NUDT17: variants seen among roughly 807,000 people sequenced by gnomAD.
NUDT17 encodes nudix hydrolase 17, also known as m7GpppN-mRNA hydrolase NUDT17.
Under a neutral mutation model 38.6 loss-of-function variants are expected in NUDT17, and 38 were observed. The observed-to-expected ratio is 0.98, with a 90% CI of 0.76 to 1.29. The LOEUF (loss-of-function observed/expected upper bound fraction) is 1.29, where lower values mean the gene tolerates loss of function less well. NUDT17 is among the 50% of genes most tolerant of loss of function. The pLI is 0.00. For synonymous variants in NUDT17, 192 were observed against 167.8 expected, an observed-to-expected ratio of 1.14 and a Z score of -1.11; for missense variants, 462 against 415.2, an observed-to-expected ratio of 1.11 and a Z score of -0.98.
chr1:145,846,388 G>A, intron 2 of NUDT17, 45 bp from the exon 3 acceptor site: 2 of 1,612,758 alleles, frequency 1.2e-6, no homozygotes, highest in South Asian at 1.1e-5. Context: ...GGGCTCCCTG[G>A]CCAAGACCAC....
At chr1:145,846,482 T>C (rs1652683627) in intron 3 of NUDT17, 24 bp downstream of exon 3, 1 of 1,611,234 alleles carries the variant, frequency 6.2e-7, no homozygotes, top group African/African-American at 1.3e-5. Flanking sequence ...TGATCCAACC[T>C]GAGCCAAGAG....
chr1:145,848,643 C>T lies in NUDT17; in HGVS notation c.*164C>T. 1 of 608,048 alleles carries T rather than the reference C, an allele frequency of 1.6e-6. No homozygotes were observed. Among genetic ancestry groups the T allele is most frequent in the Admixed American group, 3.0e-5 (1 of 32,964 alleles). The allele number at this position is 608,048 out of a possible 1,614,324, so 37.7% of individuals were successfully genotyped here. On this transcript the variant is annotated 3_prime_UTR_variant, in exon 8 of 8. Coordinates refer to ENST00000334513, the MANE Select transcript of NUDT17 (RefSeq NM_001012758.3). ...AAAAAGAAGATTGGGAAGGAGGGCACAGGGTCCTTCCACCTCCCTGGAAAG... is the reference window on the plus strand; with the variant it reads ...AAAAAGAAGATTGGGAAGGAGGGCATAGGGTCCTTCCACCTCCCTGGAAAG...
At chr1:145,846,814 G>A (rs950885189) in intron 4 of NUDT17, 124 bp downstream of exon 4, 7 of 749,788 alleles carry the variant, frequency 9.3e-6, no homozygotes, top group Non-Finnish European at 1.5e-5. Flanking sequence ...CCATGTCCCT[G>A]CTGTGTCATC....
chr1:145,847,870 C>G (rs1652784138), intron 6 of NUDT17, 151 bp downstream of exon 6: 10 of 872,748 alleles, frequency 1.1e-5, no homozygotes, highest in Non-Finnish European at 1.8e-5. Flanking sequence ...TACATGAAAT[C>G]TAAGACACTG....
chr1:145,846,152 G>A lies in NUDT17; in HGVS notation c.332G>A (p.Arg111Lys). 1.3e-6 allele frequency: 2 copies of A among 1,597,468 alleles called. No homozygotes were observed. The highest frequency in any genetic ancestry group is 8.5e-7 in the Non-Finnish European group (1 of 1,172,344). Residue 111 changes from arginine to lysine, a missense_variant, in exon 2 of 8, where the codon AGG becomes AAG. Arg to Lys is a conservative substitution (Grantham distance 26). Coordinates refer to ENST00000334513, the MANE Select transcript of NUDT17 (RefSeq NM_001012758.3). ...SSDKTVLLTR[R>K]ARTLSVSPNL... ...GACAAGACTGTCTTGCTAACCCGAA[G>A]GGCACGCACCCTGAGCGTTTCCCCC... is the stretch of plus-strand genomic sequence containing the variant.
chr1:145,848,074 T>C, intron 6 of NUDT17, 38 bp from the exon 7 acceptor site: 2 of 1,611,638 alleles, frequency 1.2e-6, no homozygotes, highest in Non-Finnish European at 1.7e-6. Flanking sequence ...CTTTGTAAGC[T>C]ACAAGGCACA....
intron 4 of NUDT17, 23 bp from the exon 5 acceptor site, chr1:145,847,227 C>G: frequency 7.4e-7 from 1 of 1,343,794 alleles, no homozygotes; most frequent in Non-Finnish European, 1.0e-6. Flanking sequence ...AAAGTTCTCA[C>G]TTTTGCTGTT....
chr1:145,846,661 T>C lies in NUDT17; in HGVS notation c.466T>C (p.Phe156Leu), dbSNP rs1188592416. The C allele has an allele frequency of 5.6e-6, 9 of 1,613,800 alleles. No individual in the cohort carries two copies. The highest frequency in any genetic ancestry group is 4.0e-5 in the African/African-American group (3 of 74,938). The change falls in exon 4 of 8, where the codon TTC (phenylalanine) becomes CTC (leucine). Residue 156 changes from phenylalanine (F) to leucine (L), a missense_variant. Physicochemically the swap from Phe to Leu is conservative, Grantham distance 22. Coordinates refer to ENST00000334513, the MANE Select transcript of NUDT17 (RefSeq NM_001012758.3). ...TGGACTACACCTGCCCCAGGGCCAGTTCTCTTGGGTCCCTCTGGGTTTATG... is the reference window on the plus strand; with the variant it reads ...TGGACTACACCTGCCCCAGGGCCAGCTCTCTTGGGTCCCTCTGGGTTTATG... ...ESGLHLPQGQ[F>L]SWVPLGLWES...
Position 145,847,340 on chromosome 1 carries a change from C to A in NUDT17, c.586C>A (p.Gln196Lys). ...LLVISQESQQ[Q>K]LQARIQPNPN... ...CGTGATCTCCCAGGAATCACAGCAGCAGTTGCAGGTAGGGCTGGCAGTGAG... is the reference window on the plus strand; with the variant it reads ...CGTGATCTCCCAGGAATCACAGCAGAAGTTGCAGGTAGGGCTGGCAGTGAG... The change falls in exon 5 of 8, where the codon CAG (glutamine) becomes AAG (lysine). Residue 196 changes from glutamine to lysine, a missense_variant. Physicochemically the swap from Gln to Lys is moderately conservative, Grantham distance 53 (BLOSUM62 1). Coordinates refer to ENST00000334513, the MANE Select transcript of NUDT17 (RefSeq NM_001012758.3). The A allele has an allele frequency of 6.2e-7, 1 of 1,607,392 alleles. No individual in the cohort carries two copies. The highest frequency in any genetic ancestry group is 8.5e-7 in the Non-Finnish European group (1 of 1,176,166).
intron 1 of NUDT17, 54 bp from the exon 2 acceptor site, chr1:145,845,959 C>A (rs1652635990): frequency 1.9e-6 from 3 of 1,548,932 alleles, no homozygotes; most frequent in Non-Finnish European, 2.6e-6. Context: ...GGAAGTCACG[C>A]CCACCCAGTG....
Position 145,848,509 on chromosome 1 carries a change from C to G in NUDT17, c.*30C>G. 1 of 1,430,694 alleles carries G rather than the reference C, an allele frequency of 7.0e-7. No individual in the cohort carries two copies. Among genetic ancestry groups the G allele is most frequent in the South Asian group, 1.2e-5 (1 of 85,482 alleles). The allele number at this position is 1,430,694 out of a possible 1,614,324, so 88.6% of individuals were successfully genotyped here. ...TAAAATCCCCTCCCTAGCCCATCTC[C>G]ATGACACTCACAGAACATTCACAAC... is the stretch of plus-strand genomic sequence containing the variant. On this transcript the variant is annotated 3_prime_UTR_variant, in exon 8 of 8. Coordinates refer to ENST00000334513, the MANE Select transcript of NUDT17 (RefSeq NM_001012758.3).
In NUDT17 at chr1:145,848,114, C is replaced by T. The variant is rs1652796158; in HGVS notation, c.734C>T (p.Ala245Val). ...CAACAGGAGTTGTCACCATGCAGTG[C>T]AGTGGAACTAGAGGAGGATGGAAGA... The part of the protein sequence containing the change: ...LPQDLPPSVL[A>V]VELEEDGRAR... Residue 245 changes from alanine (A) to valine (V), a missense_variant and splice_region_variant, in exon 7 of 8, where the codon GCA (alanine) becomes GTA (valine). Transcript: ENST00000334513. 1.2e-6 allele frequency: 2 copies of T among 1,613,460 alleles called. No homozygotes were observed.
rs1553732418 is a variant in NUDT17 at position 145,846,176 on chromosome 1, C to T, written c.356C>T (p.Pro119Leu). Residue 119 changes from proline to leucine, a missense_variant, in exon 2 of 8, where the codon CCC (proline) becomes CTC (leucine). Pro to Leu is a moderately conservative substitution (Grantham distance 98, BLOSUM62 -3). Transcript: ENST00000334513. ...AGGGCACGCACCCTGAGCGTTTCCC[C>T]CAACCTCTGGGTACCCCCGGGTGAG... ...TRRARTLSVSPNLWVPPGGHV... is the reference protein window; with the variant it reads ...TRRARTLSVSLNLWVPPGGHV... The T allele has an allele frequency of 6.3e-7, 1 of 1,591,652 alleles. No homozygotes were observed. The highest frequency in any genetic ancestry group is 8.6e-7 in the Non-Finnish European group (1 of 1,169,150).
chr1:145,847,960 A>T (rs1299178704), intron 6 of NUDT17, 152 bp from the exon 7 acceptor site: 6 of 902,554 alleles, frequency 6.6e-6, no homozygotes, highest in Non-Finnish European at 1.0e-5. Flanking sequence ...GGGGCAAGTC[A>T]TTTAACCCTC....
intron 1 of NUDT17, 25 bp downstream of exon 1, chr1:145,845,857 G>C (rs1438604314): frequency 1.3e-6 from 2 of 1,563,612 alleles, no homozygotes; most frequent in East Asian, 2.3e-5. Context: ...GCCCCAGAGC[G>C]GGGGCAGTGA....
At position 145,848,467 on chromosome 1, in the gene NUDT17, G is replaced by T; in HGVS notation, c.975G>T (p.Gly325=). The T allele has an allele frequency of 1.2e-6, 2 of 1,612,916 alleles. No individual in the cohort carries two copies. The highest frequency in any genetic ancestry group is 1.7e-6 in the Non-Finnish European group (2 of 1,179,092). ...WNMDPLPPNQ[G]SGK ...TGGACCCTCTTCCCCCAAACCAGGG[G>T]TCTGGAAAGTGAAGTGTAAAATCCC... The change falls in exon 8 of 8, where the codon GGG becomes GGT. Residue 325 remains glycine, a synonymous_variant. Transcript: ENST00000334513.
rs782670840 is a variant in NUDT17, at chr1:145,847,639, T to C, written c.651T>C (p.Asp217=). Reference sequence around the variant, plus strand: ...GCGCCCTTATGTGGCTGACACCAGATGTAGCTGCTGCAGTGGCTGCCGCAG... The same window carrying C: ...GCGCCCTTATGTGGCTGACACCAGACGTAGCTGCTGCAGTGGCTGCCGCAG... ...EVSALMWLTP[D]VAAAVAAAED... Residue 217 remains aspartate (D), a synonymous_variant, in exon 6 of 8, where the codon GAT becomes GAC. Coordinates refer to ENST00000334513, the MANE Select transcript of NUDT17 (RefSeq NM_001012758.3). 3.7e-6 allele frequency: 6 copies of C among 1,613,978 alleles called. No homozygotes were observed. The highest frequency in any genetic ancestry group is 3.3e-5 in the South Asian group (3 of 91,066).
At position 145,845,820 on chromosome 1, in the gene NUDT17, G is replaced by A. The variant is rs1553732170; in HGVS notation, c.180G>A (p.Arg60=). ...GGCCCTTCCCAGGCGCCTCCGCTAG[G>A]CTTCCGCTCCAGGTCGGCAGAAGGG... The part of the protein sequence containing the change: ...SSRPFPGASA[R]LPLQRPPFCP... The change falls in exon 1 of 8, where the codon AGG becomes AGA. Residue 60 remains arginine (R), a synonymous_variant. Transcript: ENST00000334513. The A allele has an allele frequency of 1.3e-6, 2 of 1,596,010 alleles. No individual in the cohort carries two copies. The highest frequency in any genetic ancestry group is 1.1e-5 in the South Asian group (1 of 88,144).
At chr1:145,847,412 G>C in intron 5 of NUDT17, 64 bp downstream of exon 5, 1 of 1,107,484 alleles carries the variant, frequency 9.0e-7, no homozygotes. Context: ...GGTTCTGACT[G>C]TGATTAGGAG....
Sources: gnomAD v4.1 joint callset for allele counts on GRCh38, gnomAD v4.1.1 for gene constraint, MANE v1.5 for transcripts, NCBI Gene and HGNC (gene_info 2026-07-23, HGNC 2026-07-21) for gene names.